DCBLD1: variants seen among roughly 807,000 people sequenced by gnomAD.
DCBLD1 encodes discoidin, CUB and LCCL domain-containing protein 1.
A neutral mutation model predicts 71.5 loss-of-function variants in DCBLD1; 57 were observed. That is an observed-to-expected ratio of 0.80 (90% CI 0.64 to 0.99). DCBLD1 has a LOEUF of 0.99. Ranked by LOEUF, DCBLD1 falls within the 50% of genes least tolerant of loss-of-function variation. The pLI, the probability that DCBLD1 is intolerant of heterozygous loss-of-function variation, is 0.00. For synonymous variants in DCBLD1, 380 were observed against 363.8 expected (o/e 1.04, Z -0.51); for missense variants, 891 against 923.5 (o/e 0.96, Z 0.46).
At chr6:117,485,494 C>A (rs920735779) in intron 1 of DCBLD1, among the ~76,000 whole-genome samples, 2 of 152,110 alleles carry the variant, frequency 1.3e-5, no homozygotes, top group Non-Finnish European at 2.9e-5. Context: ...AGGTGAGTGG[C>A]TTTTTTAAAA....
intron 7 of DCBLD1, 79 bp from the exon 8 acceptor site, chr6:117,538,541 G>C: frequency 9.2e-6 from 12 of 1,309,242 alleles, no homozygotes; most frequent in Non-Finnish European, 1.3e-5. Flanking sequence ...AATATTTCTA[G>C]GTGAGATGTG....
Position 117,549,079 on chromosome 6 carries a change from G to A in DCBLD1, c.*640G>A, listed in dbSNP as rs184398257. On this transcript the variant is annotated 3_prime_UTR_variant, in exon 15 of 15. Transcript: ENST00000338728. The stretch of plus-strand genomic sequence containing the variant: ...ATTATGACTGTAGATTTAAAAACAA[G>A]CAAAGAAACAACACCTCAGCAGCTG... 4.1e-6 allele frequency: 4 copies of A among 985,876 alleles called. No homozygotes were observed. Among genetic ancestry groups the A allele is most frequent in the Admixed American group, 1.2e-4 (2 of 16,340 alleles). 61.1% of individuals were successfully genotyped at this position (985,876 alleles called of 1,614,324 possible). A position where few individuals can be genotyped will look rare whatever the true frequency, so the allele number is the denominator to read the frequency against.
At chr6:117,531,006 C>G (rs187611081) in intron 5 of DCBLD1, among the ~76,000 whole-genome samples, 101 of 152,018 alleles carry the variant, frequency 6.6e-4, no homozygotes, top group African/African-American at 2.1e-3. Context: ...GTTAGGATAG[C>G]AGTTATTGCA....
chr6:117,553,448 ATCT>A (rs913604128), downstream of DCBLD1, among the ~76,000 whole-genome samples: 44 of 151,746 alleles, frequency 2.9e-4, no homozygotes, highest in Non-Finnish European at 5.3e-4. Context: ...TTTTTCCTTT[ATCT>A]TCTTCTTCCT....
At chr6:117,525,214 C>T in intron 4 of DCBLD1, 148 bp from the exon 5 acceptor site, 1 of 432,608 alleles carries the variant, frequency 2.3e-6, no homozygotes, top group East Asian at 4.2e-5. Flanking sequence ...ATAGATCAAT[C>T]TGTATTTTCA....
downstream of DCBLD1, among the ~76,000 whole-genome samples, chr6:117,552,110 A>G (rs1779436935): frequency 2.6e-5 from 4 of 152,192 alleles, no homozygotes; most frequent in Admixed American, 2.6e-4. Flanking sequence ...ACAGAGCAAG[A>G]CCATGTTTTT....
At chr6:117,496,291 G>A (rs1202208034) in intron 1 of DCBLD1, among the ~76,000 whole-genome samples, 1 of 151,844 alleles carries the variant, frequency 6.6e-6, no homozygotes, top group East Asian at 1.9e-4. Flanking sequence ...TGAAGATTTT[G>A]AATAATTATT....
chr6:117,550,332 C>T (rs1308532906), downstream of DCBLD1, among the ~76,000 whole-genome samples: 1 of 152,144 alleles, frequency 6.6e-6, no homozygotes, highest in Admixed American at 6.5e-5. Context: ...AAACCCTACA[C>T]AGCTAAACCT....
intron 2 of DCBLD1, among the ~76,000 whole-genome samples, chr6:117,504,735 AC>A (rs1056032109): frequency 4.6e-5 from 7 of 152,244 alleles, no homozygotes; most frequent in African/African-American, 1.7e-4. Flanking sequence ...AATCACAGTA[AC>A]AATGACCCTT....
At chr6:117,540,385 A>C (rs1779049752) in intron 9 of DCBLD1, 1 of 336,932 alleles carries the variant, frequency 3.0e-6, no homozygotes, top group African/African-American at 2.1e-5. Flanking sequence ...CTATAGCACC[A>C]GTTGAATGTA....
intron 14 of DCBLD1, chr6:117,560,752 C>T (rs187005703): frequency 6.8e-5 from 14 of 205,902 alleles, no homozygotes; most frequent in South Asian, 1.9e-4. Context: ...AATATATACA[C>T]GCACACATAC....
At chr6:117,545,327 T>C (rs1202149209) in intron 13 of DCBLD1, 151 bp from the exon 14 acceptor site, 5 of 991,892 alleles carry the variant, frequency 5.0e-6, no homozygotes, top group Non-Finnish European at 5.9e-6. Flanking sequence ...GACCTTGGCA[T>C]GCTGTTCTTA....
intron 2 of DCBLD1, among the ~76,000 whole-genome samples, chr6:117,516,302 A>G (rs558504684): frequency 1.6e-4 from 25 of 151,670 alleles, no homozygotes; most frequent in Admixed American, 1.3e-3. Context: ...TGGAGCTTGT[A>G]GTGAGCCGAG....
chr6:117,521,719 T>A, intron 4 of DCBLD1, 143 bp downstream of exon 4: 2 of 732,514 alleles, frequency 2.7e-6, no homozygotes. Flanking sequence ...AAATAGTTTG[T>A]TATATAGCAG....
downstream of DCBLD1, among the ~76,000 whole-genome samples, chr6:117,553,223 C>G (rs536412323): frequency 1.6e-4 from 25 of 152,226 alleles, no homozygotes; most frequent in Non-Finnish European, 3.2e-4. Context: ...ACTTTTCACA[C>G]TCTCCCTTAC....
intron 11 of DCBLD1, 21 bp downstream of exon 11, chr6:117,541,046 G>T (rs1191154122): frequency 1.2e-6 from 2 of 1,612,486 alleles, no homozygotes; most frequent in Non-Finnish European, 1.7e-6. Context: ...GATTGTCTGT[G>T]GTTTCATAAG....
chr6:117,494,311 C>A (rs1777395354), intron 1 of DCBLD1, among the ~76,000 whole-genome samples: 1 of 152,128 alleles, frequency 6.6e-6, no homozygotes, highest in Non-Finnish European at 1.5e-5. Context: ...TTTTTCTGGA[C>A]TCCAGAGAGA....
At chr6:117,516,758 C>T (rs750012166) in intron 2 of DCBLD1, among the ~76,000 whole-genome samples, 11 of 152,184 alleles carry the variant, frequency 7.2e-5, no homozygotes, top group Non-Finnish European at 1.0e-4. Flanking sequence ...GCAAAAGGCA[C>T]GTCTCACCTG....
chr6:117,552,850 C>T (rs1211387079), downstream of DCBLD1, among the ~76,000 whole-genome samples: 1 of 152,160 alleles, frequency 6.6e-6, no homozygotes, highest in Non-Finnish European at 1.5e-5. Flanking sequence ...AGCTTTCCAC[C>T]TACTTAGTCA....
Sources: allele counts gnomAD v4.1 joint callset (sites outside exome capture counted in the v4.1 genomes callset), GRCh38; gene constraint gnomAD v4.1.1; transcripts MANE v1.5; gene names NCBI Gene and HGNC (gene_info 2026-07-23, HGNC 2026-07-21).